ANO10: variants seen among roughly 807,000 people sequenced by gnomAD.
The protein encoded by ANO10 is anoctamin 10, also known as anoctamin-10.
Under a neutral mutation model 74.7 loss-of-function variants are expected in ANO10, and 77 were observed. That is an observed-to-expected ratio of 1.03 (90% CI 0.86 to 1.25). ANO10 has a LOEUF of 1.25. ANO10 is among the 50% of genes most tolerant of loss of function. The pLI is 0.00. For synonymous variants in ANO10, 279 were observed against 284.9 expected, an observed-to-expected ratio of 0.98 and a Z score of 0.21; for missense variants, 721 against 778.1, an observed-to-expected ratio of 0.93 and a Z score of 0.87.
Position 43,639,007 on chromosome 3 carries a change from C to T in ANO10, c.-11-33144G>A, listed in dbSNP as rs377181738. ...CTAAGGTGGCTCCCTCACATGACTG[C>T]AGGCAGTCTCAGTTCCCCACCAGAT... is the stretch of plus-strand genomic sequence containing the variant. On this transcript the variant is annotated intron_variant, in intron 1 of 3. Transcript: ENST00000413397. 7.2e-4 allele frequency: 110 copies of T among 152,390 alleles called. 1 individual carries two copies. The highest frequency in any genetic ancestry group is 2.5e-3 in the African/African-American group (103 of 41,564). The allele number at this position is 152,390 out of a possible 1,614,324, so 9.4% of individuals were successfully genotyped here.
At chr3:43,461,813 C>T (rs1056480887) in intron 11 of ANO10, among the ~76,000 whole-genome samples, 9 of 152,160 alleles carry the variant, frequency 5.9e-5, no homozygotes, top group Non-Finnish European at 1.3e-4. Context: ...AAACTGGTAC[C>T]AGCAGAATGG....
intron 7 of ANO10, among the ~76,000 whole-genome samples, chr3:43,571,986 C>A (rs981870743): frequency 6.6e-6 from 1 of 151,694 alleles, no homozygotes; most frequent in Non-Finnish European, 1.5e-5. Context: ...ACAAGGCAAC[C>A]AAAGGAGAAC....
At chr3:43,485,345 C>T in intron 11 of ANO10, 1 of 497,044 alleles carries the variant, frequency 2.0e-6, no homozygotes, top group Non-Finnish European at 3.7e-6. Context: ...GCTGTGCTCC[C>T]CATCCAGGGA....
At chr3:43,638,551 T>C (rs1231737213) in intron 1 of ANO10, 2 of 152,232 alleles carry the variant, frequency 1.3e-5, no homozygotes, top group African/African-American at 4.8e-5. Context: ...ATGAAATGTT[T>C]AGTAAGTATT....
At chr3:43,427,149 A>T (rs1254735578) in intron 12 of ANO10, among the ~76,000 whole-genome samples, 1 of 152,154 alleles carries the variant, frequency 6.6e-6, no homozygotes, top group East Asian at 1.9e-4. Context: ...AAAAAAAAAT[A>T]TATAAAAATA....
chr3:43,526,721 T>C (rs987853657), intron 11 of ANO10, among the ~76,000 whole-genome samples: 1 of 152,122 alleles, frequency 6.6e-6, no homozygotes, highest in African/African-American at 2.4e-5. Context: ...CCAGTATCTG[T>C]ATCTATGCTA....
chr3:43,473,601 T>C (rs2075952057), intron 11 of ANO10, among the ~76,000 whole-genome samples: 1 of 152,204 alleles, frequency 6.6e-6, no homozygotes, highest in Non-Finnish European at 1.5e-5. Flanking sequence ...CTTCTACCAC[T>C]TTATGCCCAA....
At chr3:43,494,751 A>C (rs377640160) in intron 11 of ANO10, among the ~76,000 whole-genome samples, 26 of 152,164 alleles carry the variant, frequency 1.7e-4, no homozygotes, top group East Asian at 1.3e-3. Flanking sequence ...AAGAACTAAA[A>C]AATTTTATTG....
At chr3:43,372,780 A>G in intron 12 of ANO10, 1 of 1,461,276 alleles carries the variant, frequency 6.8e-7, no homozygotes, top group Non-Finnish European at 9.3e-7. Context: ...AGGACCTATG[A>G]CAGTGCCTGG....
chr3:43,425,906 C>T (rs2092893253), intron 12 of ANO10, among the ~76,000 whole-genome samples: 1 of 152,112 alleles, frequency 6.6e-6, no homozygotes, highest in African/African-American at 2.4e-5. Flanking sequence ...GAGTCTGATA[C>T]CTCTTAAGGT....
At chr3:43,497,907 A>C (rs772675339) in intron 11 of ANO10, among the ~76,000 whole-genome samples, 2 of 152,174 alleles carry the variant, frequency 1.3e-5, no homozygotes, top group African/African-American at 2.4e-5. Context: ...AGCTACTCTA[A>C]ACATGGACTT....
At chr3:43,545,180 T>C (rs571103312) in intron 11 of ANO10, among the ~76,000 whole-genome samples, 1 of 152,282 alleles carries the variant, frequency 6.6e-6, no homozygotes, top group African/African-American at 2.4e-5. Context: ...AAGTATAGCA[T>C]GCTGTTAATT....
At chr3:43,449,248 C>T (rs773459762) in intron 11 of ANO10, among the ~76,000 whole-genome samples, 12 of 152,018 alleles carry the variant, frequency 7.9e-5, no homozygotes, top group African/African-American at 1.9e-4. Flanking sequence ...TTATCATTTA[C>T]GTATTTTGCA....
At chr3:43,612,546 A>C (rs2082881033) in intron 1 of ANO10, among the ~76,000 whole-genome samples, 1 of 152,118 alleles carries the variant, frequency 6.6e-6, no homozygotes. Flanking sequence ...CTTGCTCTAA[A>C]GTGTTTTTCA....
chr3:43,690,792 G>C (rs1459119487), intron 1 of ANO10: 2 of 463,432 alleles, frequency 4.3e-6, no homozygotes, highest in Non-Finnish European at 7.4e-6. Context: ...ACTAGTGCAT[G>C]CTGGCTGGGG....
At chr3:43,514,446 T>C (rs2077629881) in intron 11 of ANO10, among the ~76,000 whole-genome samples, 1 of 152,028 alleles carries the variant, frequency 6.6e-6, no homozygotes, top group Non-Finnish European at 1.5e-5. Flanking sequence ...GAAACAATTA[T>C]ATACCAAATG....
At chr3:43,415,665 C>A (rs2092727228) in intron 12 of ANO10, among the ~76,000 whole-genome samples, 1 of 152,030 alleles carries the variant, frequency 6.6e-6, no homozygotes, top group South Asian at 2.1e-4. Context: ...CCTCAGCCTC[C>A]CAAGTAGCTG....
At chr3:43,375,258 C>T (rs1024143200) in intron 12 of ANO10, among the ~76,000 whole-genome samples, 6 of 151,748 alleles carry the variant, frequency 4.0e-5, no homozygotes, top group Admixed American at 2.0e-4. Context: ...CCAGCCTGGC[C>T]AACATGGTGA....
chr3:43,595,390 C>T (rs1261606642), intron 4 of ANO10, among the ~76,000 whole-genome samples: 2 of 152,146 alleles, frequency 1.3e-5, no homozygotes, highest in African/African-American at 4.8e-5. Context: ...GTGAATCCAG[C>T]AGCACATCAA....
Sources: allele counts gnomAD v4.1 joint callset (sites outside exome capture counted in the v4.1 genomes callset), GRCh38; gene constraint gnomAD v4.1.1; transcripts MANE v1.5; gene names NCBI Gene and HGNC (gene_info 2026-07-23, HGNC 2026-07-21).